COPS3: variants seen among roughly 807,000 people sequenced by gnomAD.
The protein encoded by COPS3 is COP9 signalosome subunit 3.
Under a neutral mutation model 58.2 loss-of-function variants are expected in COPS3, and 10 were observed. That is an observed-to-expected ratio of 0.17 (90% CI 0.11 to 0.29). The LOEUF (loss-of-function observed/expected upper bound fraction) is 0.29. Among genes scored for constraint, COPS3 ranks in the 10% least tolerant of loss-of-function variants. COPS3 has a pLI of 1.00. For synonymous variants in COPS3, 187 were observed against 181.7 expected (o/e 1.03, Z -0.24); for missense variants, 333 against 510.1 (o/e 0.65, Z 3.34).
At position 17,281,224 on chromosome 17, in the gene COPS3, G is replaced by A. The variant is rs1597714298; in HGVS notation, c.-38C>T. On this transcript the variant is annotated 5_prime_UTR_variant, in exon 1 of 12. Coordinates refer to ENST00000268717, the MANE Select transcript of COPS3 (RefSeq NM_003653.4). Reference sequence around the variant, plus strand: ...GCGGCCCGAGCGGCGAAGGCAGCACGCGCGGGAAAAGGCTGCCGCTCTGGG... The same window carrying A: ...GCGGCCCGAGCGGCGAAGGCAGCACACGCGGGAAAAGGCTGCCGCTCTGGG... 6.3e-7 allele frequency: 1 copy of A among 1,594,464 alleles called. No homozygotes were observed. The highest frequency in any genetic ancestry group is 1.1e-5 in the South Asian group (1 of 88,516).
Position 17,249,039 on chromosome 17 carries a change from T to G in COPS3, c.1024A>C (p.Ile342Leu), listed in dbSNP as rs774671125. Residue 342 changes from isoleucine (I) to leucine (L), a missense_variant and splice_region_variant, in exon 10 of 12, where the codon ATA (isoleucine) becomes CTA (leucine). Coordinates refer to ENST00000268717, the MANE Select transcript of COPS3 (RefSeq NM_003653.4). ...QEAEKYVLHMIEDGEIFASIN... is the reference protein window; with the variant it reads ...QEAEKYVLHMLEDGEIFASIN... ...CTTGCAAAAATCTCACCATCTTCTA[T>G]CTGCAGAAAGAAAAAAAAAAAAATC... 6.4e-7 allele frequency: 1 copy of G among 1,561,940 alleles called. No homozygotes were observed. The highest frequency in any genetic ancestry group is 8.7e-7 in the Non-Finnish European group (1 of 1,150,432).
At chr17:17,253,682 T>C (rs1262277160) in intron 9 of COPS3, among the ~76,000 whole-genome samples, 1 of 152,276 alleles carries the variant, frequency 6.6e-6, no homozygotes, top group Non-Finnish European at 1.5e-5. Flanking sequence ...TCAGCAAACA[T>C]TGTTCAGCAA....
chr17:17,280,827 G>C lies in COPS3; in HGVS notation c.55+305C>G. On this transcript the variant is annotated intron_variant, in intron 1 of 11. Coordinates refer to ENST00000268717, the MANE Select transcript of COPS3 (RefSeq NM_003653.4). ...CAATAGTCGCCCGAGATGGCTCCTG[G>C]CGGAAGTCACGCCCCCAAACTGTCA... 2.4e-6 allele frequency: 3 copies of C among 1,237,726 alleles called. No individual in the cohort carries two copies. In the South Asian group the frequency reaches 5.2e-5, roughly 22 times the overall value. The allele number at this position is 1,237,726 out of a possible 1,614,324, so 76.7% of individuals were successfully genotyped here.
intron 1 of COPS3, among the ~76,000 whole-genome samples, chr17:17,277,918 G>T (rs577949728): frequency 1.3e-5 from 2 of 152,060 alleles, no homozygotes; most frequent in East Asian, 3.9e-4. Context: ...CAGATATCTC[G>T]AGGTCAGGAG....
At chr17:17,271,850 A>C (rs909202121) in intron 2 of COPS3, among the ~76,000 whole-genome samples, 12 of 143,026 alleles carry the variant, frequency 8.4e-5, no homozygotes, top group Non-Finnish European at 1.5e-4. Flanking sequence ...CTATATATAT[A>C]TATATATACA....
intron 5 of COPS3, 35 bp from the exon 6 acceptor site, chr17:17,265,016 T>A: frequency 6.3e-7 from 1 of 1,574,910 alleles, no homozygotes; most frequent in Non-Finnish European, 8.6e-7. Context: ...ATCACTTTAA[T>A]TTTACTTAGG....
chr17:17,250,079 C>CA (rs759054007), intron 9 of COPS3, among the ~76,000 whole-genome samples: 1 of 152,162 alleles, frequency 6.6e-6, no homozygotes, highest in Non-Finnish European at 1.5e-5. Flanking sequence ...CTTCTCCTCC[C>CA]AGCCCCTGGA....
intron 9 of COPS3, among the ~76,000 whole-genome samples, chr17:17,250,065 C>G (rs1236979076): frequency 2.0e-5 from 3 of 152,140 alleles, no homozygotes; most frequent in Non-Finnish European, 4.4e-5. Context: ...CTCCCCATTC[C>G]CTCCTTCTCC....
chr17:17,255,035 C>T (rs2047936669), intron 8 of COPS3, 90 bp from the exon 9 acceptor site: 2 of 832,436 alleles, frequency 2.4e-6, no homozygotes, highest in Non-Finnish European at 4.0e-6. Flanking sequence ...GGCGTGGTGG[C>T]TCATGTCTGT....
intron 9 of COPS3, among the ~76,000 whole-genome samples, chr17:17,252,614 C>T (rs866495865): frequency 6.6e-6 from 1 of 152,240 alleles, no homozygotes; most frequent in Admixed American, 6.5e-5. Context: ...ACCACTGCTC[C>T]AGAGCCTGTC....
chr17:17,262,411 G>A (rs539741669), intron 6 of COPS3, among the ~76,000 whole-genome samples: 151 of 152,192 alleles, frequency 9.9e-4, no homozygotes, highest in African/African-American at 3.6e-3. Flanking sequence ...ATAGGAGTGG[G>A]CCACCATGCT....
In COPS3 at chr17:17,254,863, T is replaced by C. The variant is rs757534555; in HGVS notation, c.1019A>G (p.His340Arg). The C allele has an allele frequency of 1.3e-6, 2 of 1,586,442 alleles. No individual in the cohort carries two copies. Among genetic ancestry groups the C allele is most frequent in the Non-Finnish European group, 1.7e-6 (2 of 1,158,070 alleles). ...GPQEAEKYVL[H>R]MIEDGEIFAS... ...AGAAAAAGAAAATCCACTTACCATG[T>C]GCAGAACGTATTTCTCTGCCTCCTG... The change falls in exon 9 of 12, where the codon CAC (histidine) becomes CGC (arginine). Residue 340 changes from histidine (H) to arginine (R), a missense_variant. His to Arg is a conservative substitution (Grantham distance 29). Transcript: ENST00000268717.
At chr17:17,262,634 G>C (rs2048126153) in intron 6 of COPS3, among the ~76,000 whole-genome samples, 1 of 152,064 alleles carries the variant, frequency 6.6e-6, no homozygotes, top group Non-Finnish European at 1.5e-5. Flanking sequence ...GGAGGCTGAG[G>C]CAGGAGAAGG....
Position 17,248,942 on chromosome 17 carries a change from T to A in COPS3, c.1121A>T (p.His374Leu), listed in dbSNP as rs143738729. 66 of 1,599,364 alleles carry A rather than the reference T, an allele frequency of 4.1e-5. No individual in the cohort carries two copies. Among genetic ancestry groups the A allele is most frequent in the Middle Eastern group, 1.7e-4 (1 of 6,034 alleles). Reference sequence around the variant, plus strand: ...CATGTTTACCTCCTGATCAATGTTATGAAGCATGGCTGGGTTATTATATTT... The same window carrying A: ...CATGTTTACCTCCTGATCAATGTTAAGAAGCATGGCTGGGTTATTATATTT... ...PEKYNNPAML[H>L]NIDQEMLKCI... Residue 374 changes from histidine to leucine, a missense_variant, in exon 10 of 12, where the codon CAT (histidine) becomes CTT (leucine). Transcript: ENST00000268717.
intron 1 of COPS3, among the ~76,000 whole-genome samples, chr17:17,278,025 T>C (rs1484253134): frequency 6.6e-6 from 1 of 152,108 alleles, no homozygotes; most frequent in Non-Finnish European, 1.5e-5. Context: ...TCCCAGCTAC[T>C]CGGGAGGCTG....
intron 9 of COPS3, among the ~76,000 whole-genome samples, chr17:17,252,053 A>C (rs531660785): frequency 3.3e-5 from 5 of 151,864 alleles, no homozygotes; most frequent in Admixed American, 2.0e-4. Flanking sequence ...TGGGTGACAG[A>C]GCAAGACTCC....
chr17:17,277,131 C>T (rs1404067118), intron 1 of COPS3, among the ~76,000 whole-genome samples: 1 of 152,160 alleles, frequency 6.6e-6, no homozygotes, highest in African/African-American at 2.4e-5. Context: ...TGTCCTTCTC[C>T]CCCACATCCT....
chr17:17,268,011 T>C, intron 4 of COPS3, 34 bp from the exon 5 acceptor site: 1 of 1,610,382 alleles, frequency 6.2e-7, no homozygotes, highest in South Asian at 1.1e-5. Context: ...AGATAAGTTC[T>C]CAAAGATGGC....
chr17:17,275,513 A>G (rs1038369982), intron 2 of COPS3, among the ~76,000 whole-genome samples: 1 of 152,232 alleles, frequency 6.6e-6, no homozygotes, highest in African/African-American at 2.4e-5. Flanking sequence ...TAAAAATGAT[A>G]AAGTTGAACA....
Sources: allele counts gnomAD v4.1 joint callset (sites outside exome capture counted in the v4.1 genomes callset), GRCh38; gene constraint gnomAD v4.1.1; transcripts MANE v1.5; gene names NCBI Gene and HGNC (gene_info 2026-07-23, HGNC 2026-07-21).